Variants in DKK2 observed in about 807,000 individuals in gnomAD.
DKK2 encodes dickkopf Wnt signaling pathway inhibitor 2.
DKK2 carries 11 observed loss-of-function variants against 28.1 expected under a neutral mutation model. The observed-to-expected ratio is 0.39, with a 90% CI of 0.25 to 0.65. The LOEUF is 0.65. DKK2 is among the 30% of genes least tolerant of loss of function. The probability of loss-of-function intolerance (pLI) is 0.47; values close to 1 mark genes in which losing one functional copy is unlikely to be tolerated. For synonymous variants in DKK2, 135 were observed against 126.5 expected, an observed-to-expected ratio of 1.07 and a Z score of -0.45; for missense variants, 326 against 335.5, an observed-to-expected ratio of 0.97 and a Z score of 0.22.
chr4:106,927,110 A>G (rs1446561051), intron 1 of DKK2, among the ~76,000 whole-genome samples: 1 of 152,210 alleles, frequency 6.6e-6, no homozygotes, highest in Non-Finnish European at 1.5e-5. Flanking sequence ...TTTTTAAGCA[A>G]CCATAAATAA....
At chr4:107,005,786 C>T (rs544105891) in intron 1 of DKK2, among the ~76,000 whole-genome samples, 1 of 152,250 alleles carries the variant, frequency 6.6e-6, no homozygotes, top group South Asian at 2.1e-4. Context: ...ATTAGATAAA[C>T]TATATTATGA....
At position 107,035,760 on chromosome 4, in the gene DKK2, C is replaced by G; in HGVS notation, c.-169G>C. On this transcript the variant is annotated 5_prime_UTR_variant, in exon 1 of 4. Transcript: ENST00000285311. ...CCAGGACCCTATGAACTCAGTCTCA[C>G]GCCTCAGGACAGAAATTAGCGGAAC... 1.6e-6 allele frequency: 1 copy of G among 640,162 alleles called. No homozygotes were observed. The highest frequency in any genetic ancestry group is 2.9e-5 in the Admixed American group (1 of 34,548). The allele number at this position is 640,162 out of a possible 1,614,324, so 39.7% of individuals were successfully genotyped here.
At position 106,922,024 on chromosome 4, in the gene DKK2, A is replaced by G. The variant is rs1724350479; in HGVS notation, c.*1930T>C. The G allele has an allele frequency of 6.6e-6, 1 of 152,586 alleles. No individual in the cohort carries two copies. The highest frequency in any genetic ancestry group is 1.5e-5 in the Non-Finnish European group (1 of 68,028). 9.5% of individuals were successfully genotyped at this position (152,586 alleles called of 1,614,324 possible). A position where few individuals can be genotyped will look rare whatever the true frequency, so the allele number is the denominator to read the frequency against. ...AAAATATTGCAGAAACCAAATTGTA[A>G]ATATAATAATTGTTATATAGGAAAT... On this transcript the variant is annotated 3_prime_UTR_variant, in exon 4 of 4. Coordinates refer to ENST00000285311, the MANE Select transcript of DKK2 (RefSeq NM_014421.3).
At chr4:107,004,520 C>T (rs1424183153) in intron 1 of DKK2, among the ~76,000 whole-genome samples, 1 of 152,154 alleles carries the variant, frequency 6.6e-6, no homozygotes, top group Admixed American at 6.5e-5. Context: ...CAAAATACCA[C>T]TAATAAAATC....
At chr4:106,967,890 AAGGG>A (rs1722807055) in intron 1 of DKK2, among the ~76,000 whole-genome samples, 1 of 150,614 alleles carries the variant, frequency 6.6e-6, no homozygotes, top group African/African-American at 2.4e-5. Flanking sequence ...GAGAAGAAGG[AAGGG>A]AGGGAGAGGC....
chr4:107,028,272 G>T (rs1288239279), intron 1 of DKK2, among the ~76,000 whole-genome samples: 1 of 152,132 alleles, frequency 6.6e-6, no homozygotes, highest in Admixed American at 6.5e-5. Flanking sequence ...GAGTAATTGA[G>T]TTCATTTGTT....
At chr4:106,972,890 C>G (rs1178197865) in intron 1 of DKK2, among the ~76,000 whole-genome samples, 1 of 152,050 alleles carries the variant, frequency 6.6e-6, no homozygotes, top group Admixed American at 6.6e-5. Flanking sequence ...TCCTCTCTGA[C>G]CCTTCCACCC....
At chr4:106,936,761 G>T (rs9705200) in intron 1 of DKK2, among the ~76,000 whole-genome samples, 1 of 152,164 alleles carries the variant, frequency 6.6e-6, no homozygotes, top group South Asian at 2.1e-4. Flanking sequence ...GACTAACAGC[G>T]GATCTCTCAG....
rs28581397 is a variant in DKK2 at position 106,968,317 on chromosome 4, A to G, written c.223-42368T>C. ...TGGCTCCTTGAACTTTCTCCAAAAC[A>G]TCCCAGGTAATCTCATTTTGGTCGT... On this transcript the variant is annotated intron_variant, in intron 1 of 3. Transcript: ENST00000285311. 2.3e-3 allele frequency among the ~76,000 whole-genome samples: 357 copies of G among 152,220 alleles called. 1 individual carries two copies. The highest frequency in any genetic ancestry group is 7.7e-3 in the African/African-American group (322 of 41,558).
chr4:106,921,814 A>C lies in DKK2; in HGVS notation c.*2140T>G, dbSNP rs1478445176. Reference sequence around the variant, plus strand: ...AAGGAGCTTTGAATTCAGTTTTTAGAGGAGAAAAATTTAATAGATTTTATC... The same window carrying C: ...AAGGAGCTTTGAATTCAGTTTTTAGCGGAGAAAAATTTAATAGATTTTATC... On this transcript the variant is annotated 3_prime_UTR_variant, in exon 4 of 4. Coordinates refer to ENST00000285311, the MANE Select transcript of DKK2 (RefSeq NM_014421.3). 6.6e-6 allele frequency: 1 copy of C among 152,574 alleles called. No individual in the cohort carries two copies. The highest frequency in any genetic ancestry group is 1.5e-5 in the Non-Finnish European group (1 of 67,998). 9.5% of individuals were successfully genotyped at this position (152,574 alleles called of 1,614,324 possible). A position where few individuals can be genotyped will look rare whatever the true frequency, so the allele number is the denominator to read the frequency against.
At chr4:106,963,338 G>T (rs1178319624) in intron 1 of DKK2, among the ~76,000 whole-genome samples, 2 of 150,250 alleles carry the variant, frequency 1.3e-5, no homozygotes, top group African/African-American at 2.5e-5. Context: ...GGGCGACACA[G>T]TTAGACTCTG....
intron 1 of DKK2, among the ~76,000 whole-genome samples, chr4:106,999,243 T>C (rs1723321558): frequency 6.6e-6 from 1 of 152,218 alleles, no homozygotes; most frequent in Non-Finnish European, 1.5e-5. Context: ...AATAGTAGGT[T>C]GCAGAGTTTT....
intron 1 of DKK2, among the ~76,000 whole-genome samples, chr4:106,962,058 G>A (rs1415765889): frequency 2.6e-5 from 4 of 152,118 alleles, no homozygotes; most frequent in African/African-American, 9.7e-5. Flanking sequence ...AGAGGGTTCT[G>A]AACTGGACTG....
chr4:106,987,515 T>C (rs1723137948), intron 1 of DKK2, among the ~76,000 whole-genome samples: 1 of 152,168 alleles, frequency 6.6e-6, no homozygotes, highest in South Asian at 2.1e-4. Flanking sequence ...GGGCTGTCAA[T>C]CAGGACATCC....
At chr4:106,935,469 C>G (rs180872915) in intron 1 of DKK2, among the ~76,000 whole-genome samples, 3,814 of 152,282 alleles carry the variant, frequency 0.025, 63 homozygotes, top group Non-Finnish European at 0.038. Context: ...GGTCCTACAC[C>G]CACAGAGTCT....
intron 1 of DKK2, among the ~76,000 whole-genome samples, chr4:106,943,262 T>G (rs1389498768): frequency 6.6e-6 from 1 of 152,228 alleles, no homozygotes; most frequent in Non-Finnish European, 1.5e-5. Context: ...ATTCTTCGTC[T>G]GCCCTACCTA....
At chr4:106,978,591 C>A (rs367870509) in intron 1 of DKK2, among the ~76,000 whole-genome samples, 1 of 152,050 alleles carries the variant, frequency 6.6e-6, no homozygotes, top group Non-Finnish European at 1.5e-5. Flanking sequence ...GCCCCTCCCC[C>A]CACCAAGCTC....
intron 1 of DKK2, among the ~76,000 whole-genome samples, chr4:107,005,379 T>G (rs1250680727): frequency 6.6e-6 from 1 of 151,420 alleles, no homozygotes; most frequent in Non-Finnish European, 1.5e-5. Context: ...AAAAGATGAT[T>G]ATTTGTTTTG....
intron 1 of DKK2, among the ~76,000 whole-genome samples, chr4:106,941,035 C>G (rs986893147): frequency 6.2e-4 from 94 of 151,898 alleles, no homozygotes; most frequent in Non-Finnish European, 9.9e-4. Context: ...GGGCAGCGCA[C>G]CAGCATGGCA....
Sources: gnomAD v4.1 joint callset for allele counts (sites outside exome capture counted in the v4.1 genomes callset) on GRCh38, gnomAD v4.1.1 for gene constraint, MANE v1.5 for transcripts, NCBI Gene and HGNC (gene_info 2026-07-23, HGNC 2026-07-21) for gene names.